Variants in DRC8 observed in about 807,000 individuals in gnomAD.
The protein encoded by DRC8 is dynein regulatory complex protein 8.
the DRC8 span, among the ~76,000 whole-genome samples, chr1:244,980,035 T>C: frequency 3.5e-5 from 1 of 28,442 alleles, no homozygotes; most frequent in Non-Finnish European, 8.2e-5. Context: ...AAACCCCGTC[T>C]CTACTAAAAA....
At chr1:245,051,976 A>G in the DRC8 span, among the ~76,000 whole-genome samples, 2 of 152,194 alleles carry the variant, frequency 1.3e-5, no homozygotes, top group Non-Finnish European at 2.9e-5. Flanking sequence ...AGGATTAATA[A>G]TAGCACCCAG....
chr1:245,117,963 G>T, the DRC8 span, among the ~76,000 whole-genome samples: 1 of 152,024 alleles, frequency 6.6e-6, no homozygotes, highest in African/African-American at 2.4e-5. Context: ...GTGAGACTCT[G>T]TCTCCAATAA....
the DRC8 span, among the ~76,000 whole-genome samples, chr1:245,077,274 ATTC>A: frequency 1.3e-5 from 2 of 152,258 alleles, no homozygotes; most frequent in East Asian, 3.9e-4. Flanking sequence ...CATCTACCCT[ATTC>A]TTCTTGTTCT....
the DRC8 span, among the ~76,000 whole-genome samples, chr1:245,102,208 G>A: frequency 2.0e-3 from 298 of 152,316 alleles, no homozygotes; most frequent in African/African-American, 6.7e-3. Context: ...TGGAGAATGC[G>A]TCTGGAGCCT....
chr1:245,004,926 T>G, the DRC8 span, among the ~76,000 whole-genome samples: 1 of 152,258 alleles, frequency 6.6e-6, no homozygotes, highest in Non-Finnish European at 1.5e-5. Context: ...CATTTTGATA[T>G]GTACACATAA....
At chr1:245,053,304 G>A in the DRC8 span, among the ~76,000 whole-genome samples, 1 of 152,178 alleles carries the variant, frequency 6.6e-6, no homozygotes, top group Non-Finnish European at 1.5e-5. Flanking sequence ...GCTGTTCTGG[G>A]ACTCCAAGGC....
the DRC8 span, among the ~76,000 whole-genome samples, chr1:244,981,352 G>A: frequency 6.6e-6 from 1 of 152,130 alleles, no homozygotes; most frequent in Non-Finnish European, 1.5e-5. Context: ...TGTCACAAAA[G>A]CCAAGTAGGA....
the DRC8 span, chr1:245,002,116 G>T: frequency 6.3e-7 from 1 of 1,596,150 alleles, no homozygotes. Context: ...TCTCCTTTAT[G>T]CTAGGGCCTG....
chr1:244,976,139 G>C, the DRC8 span, among the ~76,000 whole-genome samples: 1 of 151,696 alleles, frequency 6.6e-6, no homozygotes, highest in Non-Finnish European at 1.5e-5. Flanking sequence ...TGTGGTGGTG[G>C]TTGCCTGTTA....
the DRC8 span, chr1:244,970,299 C>T: frequency 1.0e-6 from 1 of 955,210 alleles, no homozygotes; most frequent in Non-Finnish European, 1.6e-6. Context: ...GGTCTTCCTC[C>T]CCCGGGATTC....
chr1:244,981,126 G>A, the DRC8 span, among the ~76,000 whole-genome samples: 3 of 152,228 alleles, frequency 2.0e-5, no homozygotes, highest in African/African-American at 7.2e-5. Flanking sequence ...AGAGGTTGCA[G>A]TGAGCCGAGA....
the DRC8 span, among the ~76,000 whole-genome samples, chr1:245,056,606 A>G: frequency 6.6e-6 from 1 of 152,160 alleles, no homozygotes; most frequent in African/African-American, 2.4e-5. Context: ...TGTTAGCCAC[A>G]TTTTTTCAAG....
the DRC8 span, among the ~76,000 whole-genome samples, chr1:245,107,739 C>T: frequency 2.0e-5 from 3 of 152,158 alleles, no homozygotes; most frequent in Non-Finnish European, 4.4e-5. Context: ...CTCCAGGCAC[C>T]GGGCTCCTAA....
the DRC8 span, among the ~76,000 whole-genome samples, chr1:245,029,763 T>A: frequency 1.4e-3 from 219 of 151,968 alleles, no homozygotes; most frequent in Non-Finnish European, 2.5e-3. Context: ...GCCTGGCCAA[T>A]TTTTGTATTT....
the DRC8 span, among the ~76,000 whole-genome samples, chr1:244,994,966 G>A: frequency 2.0e-5 from 3 of 152,180 alleles, no homozygotes; most frequent in East Asian, 1.9e-4. Flanking sequence ...GGAGATCTAG[G>A]GAATTTTCAC....
At chr1:245,041,737 G>T in the DRC8 span, among the ~76,000 whole-genome samples, 2 of 152,134 alleles carry the variant, frequency 1.3e-5, no homozygotes, top group African/African-American at 4.8e-5. Context: ...GGCCATTGGG[G>T]TGGGCCCTAA....
At chr1:245,017,276 A>G in the DRC8 span, 3 of 1,610,180 alleles carry the variant, frequency 1.9e-6, no homozygotes, top group South Asian at 2.2e-5. Flanking sequence ...AAAAAATCAA[A>G]GAGGCATTTG....
the DRC8 span, among the ~76,000 whole-genome samples, chr1:244,996,665 T>C: frequency 6.6e-6 from 1 of 152,276 alleles, no homozygotes; most frequent in Middle Eastern, 3.4e-3. Context: ...GATTCGAATC[T>C]AGCCTGGGAA....
the DRC8 span, among the ~76,000 whole-genome samples, chr1:245,034,498 G>A: frequency 6.0e-5 from 9 of 150,986 alleles, no homozygotes; most frequent in Admixed American, 5.3e-4. Context: ...CTACTTGGGA[G>A]GCTGAGGCAG....
Sources: gnomAD v4.1 joint callset for allele counts (sites outside exome capture counted in the v4.1 genomes callset) on GRCh38, gnomAD v4.1.1 for gene constraint, MANE v1.5 for transcripts, NCBI Gene and HGNC (gene_info 2026-07-23, HGNC 2026-07-21) for gene names.